The following EBF2 variants were observed in gnomAD, a reference collection of about 807,000 sequenced individuals.
The protein encoded by EBF2 is transcription factor COE2.
Under a neutral mutation model 72.8 loss-of-function variants are expected in EBF2, and 21 were observed. The observed-to-expected ratio is 0.29, with a 90% CI of 0.20 to 0.42. The LOEUF is 0.42. Ranked by LOEUF, EBF2 falls within the 10% of genes least tolerant of loss-of-function variation. EBF2 has a pLI of 1.00. For synonymous variants in EBF2, 299 were observed against 274.2 expected, an observed-to-expected ratio of 1.09 and a Z score of -0.89; for missense variants, 637 against 731.2, an observed-to-expected ratio of 0.87 and a Z score of 1.49.
intron 14 of EBF2, among the ~76,000 whole-genome samples, chr8:25,856,421 T>C (rs1012296043): frequency 2.6e-5 from 4 of 152,346 alleles, no homozygotes; most frequent in African/African-American, 9.6e-5. Flanking sequence ...TGATGATGTG[T>C]TCTAGTCCCT....
At chr8:25,951,480 C>T (rs1406594539) in intron 6 of EBF2, among the ~76,000 whole-genome samples, 1 of 152,192 alleles carries the variant, frequency 6.6e-6, no homozygotes, top group Non-Finnish European at 1.5e-5. Context: ...CCCTCACTTC[C>T]CAATGGCCAC....
intron 7 of EBF2, among the ~76,000 whole-genome samples, chr8:25,893,054 G>T (rs1269834366): frequency 2.0e-5 from 3 of 152,190 alleles, no homozygotes; most frequent in African/African-American, 7.2e-5. Flanking sequence ...TCATGTTACA[G>T]TCGAAGGGAG....
chr8:26,043,577 C>A (rs1191858488), intron 1 of EBF2, among the ~76,000 whole-genome samples: 1 of 152,210 alleles, frequency 6.6e-6, no homozygotes, highest in South Asian at 2.1e-4. Context: ...CCGCGCTCCC[C>A]GGGCCACAGG....
intron 6 of EBF2, among the ~76,000 whole-genome samples, chr8:25,964,779 G>T (rs954014214): frequency 6.6e-6 from 1 of 152,190 alleles, no homozygotes; most frequent in African/African-American, 2.4e-5. Flanking sequence ...CAGTCCAAGA[G>T]CTCTGAGAAA....
intron 6 of EBF2, among the ~76,000 whole-genome samples, chr8:25,912,511 A>T (rs1803145926): frequency 2.3e-5 from 2 of 87,744 alleles, no homozygotes; most frequent in African/African-American, 8.9e-5. Context: ...AGGAAGAATA[A>T]ATCAGGAGAA....
chr8:25,924,123 ATC>A (rs1261358465), intron 6 of EBF2, among the ~76,000 whole-genome samples: 1 of 152,148 alleles, frequency 6.6e-6, no homozygotes, highest in Non-Finnish European at 1.5e-5. Context: ...CAATATTTTC[ATC>A]TCTCTGTGTC....
intron 6 of EBF2, among the ~76,000 whole-genome samples, chr8:25,963,515 C>T (rs1804069634): frequency 6.6e-6 from 1 of 152,136 alleles, no homozygotes; most frequent in Non-Finnish European, 1.5e-5. Context: ...TTCCAAAGCC[C>T]TCTTACGGGG....
chr8:26,044,359 G>A lies in EBF2; in HGVS notation c.131+370C>T, dbSNP rs1370707393. Among the ~76,000 whole-genome samples the A allele has an allele frequency of 6.6e-6, 1 of 152,264 alleles. No individual in the cohort carries two copies. Among genetic ancestry groups the A allele is most frequent in the Non-Finnish European group, 1.5e-5 (1 of 68,044 alleles). ...AGGAAGCCGGCTTTCCTCCCGCGCC[G>A]CCACTGCCAGCGCCGGTGTTCACGC... On this transcript the variant is annotated intron_variant, in intron 1 of 15. Coordinates refer to ENST00000520164, the MANE Select transcript of EBF2 (RefSeq NM_022659.4). This position sits in a 1 kb window ranked among gnomAD's most constrained non-coding sequence, Gnocchi z 4.1.
At chr8:26,006,477 T>C (rs1288233616) in intron 6 of EBF2, among the ~76,000 whole-genome samples, 1 of 152,230 alleles carries the variant, frequency 6.6e-6, no homozygotes, top group Non-Finnish European at 1.5e-5. Context: ...TTTGCTATTC[T>C]AGATAATAAG....
chr8:25,912,314 G>A (rs1290082420), intron 6 of EBF2, among the ~76,000 whole-genome samples: 2 of 151,856 alleles, frequency 1.3e-5, no homozygotes, highest in Non-Finnish European at 2.9e-5. Context: ...CATGTTTCCT[G>A]CACCAATGAC....
intron 6 of EBF2, among the ~76,000 whole-genome samples, chr8:25,938,362 C>T (rs1803614170): frequency 6.7e-6 from 1 of 149,982 alleles, no homozygotes; most frequent in African/African-American, 2.5e-5. Context: ...TGTTATTTTT[C>T]CTCTCTTACT....
chr8:25,981,793 T>TA (rs11422902), intron 6 of EBF2, among the ~76,000 whole-genome samples: 75,348 of 140,120 alleles, frequency 0.54, 20,743 homozygotes, highest in Middle Eastern at 0.7. Flanking sequence ...GACTCCATCT[T>TA]AAAAAAAAAA....
intron 6 of EBF2, among the ~76,000 whole-genome samples, chr8:26,005,518 A>T (rs180762559): frequency 0.056 from 563 of 10,108 alleles, 2 homozygotes; most frequent in East Asian, 0.092. Context: ...TATATTATAA[A>T]ATATATTATA....
At chr8:25,861,841 G>A (rs1179548191) in intron 11 of EBF2, among the ~76,000 whole-genome samples, 2 of 152,156 alleles carry the variant, frequency 1.3e-5, no homozygotes, top group Non-Finnish European at 2.9e-5. Context: ...TTCTAATAAA[G>A]ATGAATTCTT....
intron 15 of EBF2, among the ~76,000 whole-genome samples, chr8:25,848,268 C>A (rs1193695948): frequency 6.6e-6 from 1 of 152,190 alleles, no homozygotes; most frequent in Admixed American, 6.5e-5. Flanking sequence ...AAGCTAGAGC[C>A]TAGAGCCTGT....
At position 25,861,388 on chromosome 8, in the gene EBF2, G is replaced by A. The variant is rs191209396; in HGVS notation, c.1099-14C>T. 1.8e-4 allele frequency: 287 copies of A among 1,614,104 alleles called. 1 individual carries two copies. The East Asian group carries it at 5.5e-3, about 31-fold the overall frequency. On this transcript the variant is annotated splice_polypyrimidine_tract_variant and intron_variant, in intron 11 of 15. Transcript: ENST00000520164. The stretch of plus-strand genomic sequence containing the variant: ...CAACAGCATCTCCTGGAAAATAAGC[G>A]AGGATGGGATATTGTCAAAGGCAAA...
At chr8:25,927,259 C>T (rs1227793049) in intron 6 of EBF2, among the ~76,000 whole-genome samples, 1 of 151,744 alleles carries the variant, frequency 6.6e-6, no homozygotes, top group Non-Finnish European at 1.5e-5. Flanking sequence ...GACTTGCCAT[C>T]TCCCACCCCA....
intron 4 of EBF2, 144 bp downstream of exon 4, chr8:26,040,472 C>G (rs1234102761): frequency 2.8e-6 from 2 of 707,782 alleles, no homozygotes; most frequent in Admixed American, 6.2e-5. Flanking sequence ...CCCTAGCAGA[C>G]AAGGTGCTGG....
chr8:25,858,351 A>G lies in EBF2; in HGVS notation c.1496T>C (p.Leu499Pro), dbSNP rs759793472. The G allele has an allele frequency of 7.4e-6, 12 of 1,614,198 alleles. No homozygotes were observed. Among genetic ancestry groups the G allele is most frequent in the Non-Finnish European group, 1.0e-5 (12 of 1,180,030 alleles). ...AGGAGAGCCGGTGGGTGAGCCATTT[A>G]GAAATCCTGGTGAACCTGGAACACC... ...NLGVPGSPGF[L>P]NGSPTGSPYG... Residue 499 changes from leucine to proline, a missense_variant, in exon 14 of 16, where the codon CTA becomes CCA. Physicochemically the swap from Leu to Pro is moderately conservative, Grantham distance 98. Coordinates refer to ENST00000520164, the MANE Select transcript of EBF2 (RefSeq NM_022659.4).
Sources: gnomAD v4.1 joint callset for allele counts (sites outside exome capture counted in the v4.1 genomes callset) on GRCh38, gnomAD v4.1.1 for gene constraint, Gnocchi (gnomAD v3.1) non-coding constraint, MANE v1.5 for transcripts, NCBI Gene and HGNC (gene_info 2026-07-23, HGNC 2026-07-21) for gene names.